The following VPS16 variants were observed in gnomAD, a reference collection of about 807,000 sequenced individuals.
VPS16 encodes the protein VPS16 core subunit of CORVET and HOPS complexes.
In VPS16, 82 loss-of-function variants were observed where a neutral mutation model predicts 116.0. That is an observed-to-expected ratio of 0.71 (90% CI 0.59 to 0.85). The LOEUF (loss-of-function observed/expected upper bound fraction) is 0.85. VPS16 is among the 40% of genes least tolerant of loss of function. The pLI is 0.00. For synonymous variants in VPS16, 406 were observed against 420.7 expected (o/e 0.96, Z 0.43); for missense variants, 928 against 1,090.6 (o/e 0.85, Z 2.10).
At position 2,865,952 on chromosome 20, in the gene VPS16, G is replaced by A. The variant is rs1467105460; in HGVS notation, c.2272-260G>A. On this transcript the variant is annotated intron_variant, in intron 22 of 23. Coordinates refer to ENST00000380445, the MANE Select transcript of VPS16 (RefSeq NM_022575.4). This position sits in a 1 kb window ranked among gnomAD's most constrained non-coding sequence, Gnocchi z 5.2. The stretch of plus-strand genomic sequence containing the variant: ...GGTGGCAGGAACGCCTGTTGCAAGG[G>A]GTAATGGTGGGTGGTAGAGCAGAAG... 3 of 534,434 alleles carry A rather than the reference G, an allele frequency of 5.6e-6. No homozygotes were observed. Among genetic ancestry groups the A allele is most frequent in the Non-Finnish European group, 1.0e-5 (3 of 296,836 alleles). The allele number at this position is 534,434 out of a possible 1,614,324, so 33.1% of individuals were successfully genotyped here.
chr20:2,841,293 C>G (rs1213427828), intron 1 of VPS16: 1 of 187,666 alleles, frequency 5.3e-6, no homozygotes, highest in Non-Finnish European at 1.1e-5. Context: ...GTTAGGGCAG[C>G]CCGCCCATGG....
At chr20:2,844,887 A>T (rs1209081119) in intron 1 of VPS16, among the ~76,000 whole-genome samples, 1 of 152,138 alleles carries the variant, frequency 6.6e-6, no homozygotes, top group African/African-American at 2.4e-5. Context: ...GATGAAGTTG[A>T]TGCCCTTCGT....
At chr20:2,866,107 A>G (rs931738199) in intron 22 of VPS16, 105 bp from the exon 23 acceptor site, 1 of 962,428 alleles carries the variant, frequency 1.0e-6, no homozygotes. Flanking sequence ...GTGTATACAT[A>G]TAGAATATAT....
At chr20:2,854,960 A>ATTTTTTTTTTT (rs547295825) in intron 1 of VPS16, among the ~76,000 whole-genome samples, 10 of 110,122 alleles carry the variant, frequency 9.1e-5, no homozygotes, top group East Asian at 5.8e-4. Flanking sequence ...ATGAGCAGTA[A>ATTTTTTTTTTT]TTTTTTTTTT....
At chr20:2,851,736 G>A (rs1012742214) in intron 1 of VPS16, among the ~76,000 whole-genome samples, 8 of 151,902 alleles carry the variant, frequency 5.3e-5, no homozygotes, top group Non-Finnish European at 1.0e-4. Context: ...TTGGGAAGCC[G>A]AGGCAGGCAG....
Position 2,865,056 on chromosome 20 carries a change from G to A in VPS16, c.2004+1G>A. 4.3e-6 allele frequency: 7 copies of A among 1,614,160 alleles called. No individual in the cohort carries two copies. Among genetic ancestry groups the A allele is most frequent in the Non-Finnish European group, 5.9e-6 (7 of 1,180,028 alleles). ...GGCCAAGAATGAGTTTGCAGCCAAG[G>A]TTTGGCCCACCTTTTTCCAAGAGCC... is the stretch of plus-strand genomic sequence containing the variant. On this transcript the variant is annotated splice_donor_variant, in intron 20 of 23. Coordinates refer to ENST00000380445, the MANE Select transcript of VPS16 (RefSeq NM_022575.4). LOFTEE classifies it high-confidence loss of function. The surrounding 1 kb of genome is among the most constrained non-coding windows in gnomAD (Gnocchi z 5.2).
chr20:2,856,032 T>A (rs138286584), intron 1 of VPS16, among the ~76,000 whole-genome samples: 4 of 152,366 alleles, frequency 2.6e-5, no homozygotes, highest in African/African-American at 9.6e-5. Flanking sequence ...GCCTAGCTTT[T>A]GTCCTGTCTT....
chr20:2,849,807 T>C (rs1568623420), intron 1 of VPS16, among the ~76,000 whole-genome samples: 1 of 152,216 alleles, frequency 6.6e-6, no homozygotes, highest in Non-Finnish European at 1.5e-5. Flanking sequence ...CTACAGCACA[T>C]GTTTCAGTTA....
In VPS16 at chr20:2,863,527, C is replaced by T; in HGVS notation, c.1476+129C>T. ...CCTGTAATCCCAACACTTTGGGAGGCTGAGGCGGGCGAATCACCTGAGGTC... is the reference window on the plus strand; with the variant it reads ...CCTGTAATCCCAACACTTTGGGAGGTTGAGGCGGGCGAATCACCTGAGGTC... On this transcript the variant is annotated intron_variant, in intron 15 of 23. Coordinates refer to ENST00000380445, the MANE Select transcript of VPS16 (RefSeq NM_022575.4). The surrounding 1 kb of genome is among the most constrained non-coding windows in gnomAD (Gnocchi z 4.4). 1.1e-6 allele frequency: 1 copy of T among 898,264 alleles called. No homozygotes were observed. The highest frequency in any genetic ancestry group is 1.7e-6 in the Non-Finnish European group (1 of 587,934). The allele number at this position is 898,264 out of a possible 1,614,324, so 55.6% of individuals were successfully genotyped here.
chr20:2,856,980 CTT>C (rs3053469), intron 1 of VPS16, among the ~76,000 whole-genome samples: 8 of 142,070 alleles, frequency 5.6e-5, no homozygotes, highest in Admixed American at 7.0e-5. Flanking sequence ...TTTTCTTTTT[CTT>C]TTTTTTTTTT....
chr20:2,859,200 G>C (rs753949803), intron 1 of VPS16, among the ~76,000 whole-genome samples: 45 of 152,084 alleles, frequency 3.0e-4, no homozygotes, highest in Non-Finnish European at 6.2e-4. Flanking sequence ...AGGAGGCTGA[G>C]ATGGGAAGAT....
At position 2,841,011 on chromosome 20, in the gene VPS16, C is replaced by G. The variant is rs995195091; in HGVS notation, c.53+184C>G. The G allele has an allele frequency of 2.5e-5, 15 of 604,066 alleles. No homozygotes were observed. The Middle Eastern group carries it at 1.3e-3, about 53-fold the overall frequency. 37.4% of individuals were successfully genotyped at this position (604,066 alleles called of 1,614,324 possible). A position where few individuals can be genotyped will look rare whatever the true frequency, so the allele number is the denominator to read the frequency against. On this transcript the variant is annotated intron_variant, in intron 1 of 23. Transcript: ENST00000380445. ...GCAGGGAGCCGGGCCTTCCCCTGCT[C>G]CAGAAAAGGAAACTGAGGCAAGCAC...
Position 2,864,215 on chromosome 20 carries a change from C to T in VPS16, c.1648C>T (p.Pro550Ser). 27 of 1,614,198 alleles carry T rather than the reference C, an allele frequency of 1.7e-5. No homozygotes were observed. Among genetic ancestry groups the T allele is most frequent in the Non-Finnish European group, 2.3e-5 (27 of 1,180,030 alleles). Reference protein sequence around the residue: ...EYEPRSGEQVPLLLKMKRSKL... With the variant: ...EYEPRSGEQVSLLLKMKRSKL... ...TGAGCCACGCTCAGGGGAGCAGGTACCCCTTCTCCTAAAGATGAAGAGGAG... is the reference window on the plus strand; with the variant it reads ...TGAGCCACGCTCAGGGGAGCAGGTATCCCTTCTCCTAAAGATGAAGAGGAG... Residue 550 changes from proline (P) to serine (S), a missense_variant, in exon 17 of 24, where the codon CCC becomes TCC. Pro to Ser is a moderately conservative substitution (Grantham distance 74). Coordinates refer to ENST00000380445, the MANE Select transcript of VPS16 (RefSeq NM_022575.4). The surrounding 1 kb of genome is among the most constrained non-coding windows in gnomAD (Gnocchi z 5.2).
chr20:2,846,061 C>T (rs535772630), intron 1 of VPS16, among the ~76,000 whole-genome samples: 1 of 150,486 alleles, frequency 6.6e-6, no homozygotes, highest in East Asian at 2.0e-4. Context: ...TGTGAATAAT[C>T]TGCTGTGAAT....
intron 7 of VPS16, 49 bp downstream of exon 7, chr20:2,861,141 A>G: frequency 1.2e-6 from 2 of 1,614,178 alleles, no homozygotes; most frequent in Non-Finnish European, 1.7e-6. Context: ...CCAGGGTACA[A>G]GATCTTTTGG....
intron 1 of VPS16, among the ~76,000 whole-genome samples, chr20:2,854,960 A>ATTTTTTTTTTTTTTTTTTTTTTTT: frequency 9.1e-6 from 1 of 110,126 alleles, no homozygotes; most frequent in Non-Finnish European, 1.7e-5. Context: ...ATGAGCAGTA[A>ATTTTTTTTTTTTTTTTTTTTTTTT]TTTTTTTTTT....
chr20:2,861,761 C>CCGT (rs753252770), intron 9 of VPS16, 44 bp from the exon 10 acceptor site: 9 of 1,611,456 alleles, frequency 5.6e-6, no homozygotes, highest in Non-Finnish European at 7.6e-6. Context: ...TTCACCTGCC[C>CCGT]CGTCCCATCT....
chr20:2,850,965 C>CAAA (rs57731229), intron 1 of VPS16, among the ~76,000 whole-genome samples: 1 of 91,440 alleles, frequency 1.1e-5, no homozygotes, highest in Non-Finnish European at 2.5e-5. Context: ...GTAAGACTGT[C>CAAA]AAAAAAAAAA....
chr20:2,865,252 C>T lies in VPS16; in HGVS notation c.2109C>T (p.Leu703=), dbSNP rs776047122. 2.5e-6 allele frequency: 4 copies of T among 1,614,188 alleles called. No individual in the cohort carries two copies. Among genetic ancestry groups the T allele is most frequent in the Non-Finnish European group, 3.4e-6 (4 of 1,180,042 alleles). Residue 703 remains leucine (L), a synonymous_variant, in exon 21 of 24, where the codon CTC becomes CTT. Coordinates refer to ENST00000380445, the MANE Select transcript of VPS16 (RefSeq NM_022575.4). The surrounding 1 kb of genome is among the most constrained non-coding windows in gnomAD (Gnocchi z 5.2). The stretch of plus-strand genomic sequence containing the variant: ...CTCTACATGACACAGTTACCACCCT[C>T]ATTCTTGGCGGTCACAACAAGCGTG... The part of the protein sequence containing the change: ...DLSLHDTVTT[L]ILGGHNKRAE...
Sources: allele counts gnomAD v4.1 joint callset (sites outside exome capture counted in the v4.1 genomes callset), GRCh38; gene constraint gnomAD v4.1.1; non-coding constraint Gnocchi (gnomAD v3.1); transcripts MANE v1.5; gene names NCBI Gene and HGNC (gene_info 2026-07-23, HGNC 2026-07-21).